Variants in RALYL observed in about 807,000 individuals in gnomAD.
RALYL encodes RNA-binding Raly-like protein.
Under a neutral mutation model 35.1 loss-of-function variants are expected in RALYL, and 29 were observed. The observed-to-expected ratio is 0.83, with a 90% CI of 0.61 to 1.13. The LOEUF is 1.13. RALYL is among the 50% of genes most tolerant of loss of function. RALYL has a pLI of 0.00. For synonymous variants in RALYL, 120 were observed against 127.6 expected (o/e 0.94, Z 0.40); for missense variants, 359 against 360.4 (o/e 1.00, Z 0.03).
intron 1 of RALYL, among the ~76,000 whole-genome samples, chr8:84,429,452 A>C (rs1482402894): frequency 6.6e-6 from 1 of 151,896 alleles, no homozygotes; most frequent in Non-Finnish European, 1.5e-5. Context: ...ACTTTCAATG[A>C]GGGCTGAAAC....
At chr8:84,839,029 C>T (rs1011435869) in intron 4 of RALYL, among the ~76,000 whole-genome samples, 6 of 152,196 alleles carry the variant, frequency 3.9e-5, no homozygotes, top group African/African-American at 1.2e-4. Flanking sequence ...CAGTCTACAG[C>T]TCCCAGCATG....
At position 84,576,820 on chromosome 8, in the gene RALYL, C is replaced by T. The variant is rs376671965; in HGVS notation, c.256+47243C>T. Among the ~76,000 whole-genome samples the T allele has an allele frequency of 1.6e-4, 24 of 152,318 alleles. 1 individual carries two copies. The South Asian group carries it at 4.3e-3, about 28-fold the overall frequency. On this transcript the variant is annotated intron_variant, in intron 2 of 8. Transcript: ENST00000521268. ...GTAATATCTGGTCTCTCCACAAATA[C>T]GTCTTACCTCCCTGGCTTCTGAAGA...
rs182869924 is a variant in RALYL, at chr8:84,403,442, C to T, written c.-23-125857C>T. Among the ~76,000 whole-genome samples, 2 of 148,504 alleles carry T rather than the reference C, an allele frequency of 1.3e-5. 1 individual carries two copies. The highest frequency in any genetic ancestry group is 1.4e-4 in the Admixed American group (2 of 14,760). On this transcript the variant is annotated intron_variant, in intron 1 of 8. Transcript: ENST00000521268. ...TACTTACCCCATTGCTTGTTTTCGT[C>T]AGTTTTGCCAAAGATTAGATGGTTG...
In RALYL at chr8:84,466,742, G is replaced by C. The variant is rs2051726427; in HGVS notation, c.-23-62557G>C. On this transcript the variant is annotated intron_variant, in intron 1 of 8. Transcript: ENST00000521268. Reference sequence around the variant, plus strand: ...GGTACCAGTTCCTCCTTGTACCTCTGGTAGAATTCGGCTGTGAATCCATCT... The same window carrying C: ...GGTACCAGTTCCTCCTTGTACCTCTCGTAGAATTCGGCTGTGAATCCATCT... Among the ~76,000 whole-genome samples the C allele has an allele frequency of 2.0e-5, 3 of 150,678 alleles. No homozygotes were observed. In the Admixed American group the frequency reaches 2.0e-4, roughly 10 times the overall value.
chr8:84,274,116 A>G (rs1303406886), intron 1 of RALYL, among the ~76,000 whole-genome samples: 1 of 152,150 alleles, frequency 6.6e-6, no homozygotes, highest in African/African-American at 2.4e-5. Context: ...CTAGAATAAC[A>G]TTTTACTTGA....
chr8:84,889,060 T>C (rs2135438146), intron 8 of RALYL, among the ~76,000 whole-genome samples: 1 of 152,298 alleles, frequency 6.6e-6, no homozygotes, highest in Non-Finnish European at 1.5e-5. Context: ...AGCACCTTCA[T>C]TTAAACTTTT....
intron 1 of RALYL, among the ~76,000 whole-genome samples, chr8:84,468,749 G>A (rs1202642364): frequency 6.6e-6 from 1 of 151,432 alleles, no homozygotes; most frequent in Non-Finnish European, 1.5e-5. Flanking sequence ...TTTCCAACTT[G>A]GTTCCATTCT....
chr8:84,490,375 G>A (rs751886502), intron 1 of RALYL, among the ~76,000 whole-genome samples: 1 of 151,858 alleles, frequency 6.6e-6, no homozygotes, highest in Non-Finnish European at 1.5e-5. Context: ...TCTGCTCATG[G>A]GTCAATGGGA....
intron 2 of RALYL, among the ~76,000 whole-genome samples, chr8:84,707,088 T>C (rs1251125407): frequency 6.6e-6 from 1 of 152,138 alleles, no homozygotes; most frequent in East Asian, 1.9e-4. Flanking sequence ...TAATTTTTAG[T>C]GCGATAATTT....
intron 1 of RALYL, among the ~76,000 whole-genome samples, chr8:84,377,791 CACATCCA>C (rs1212858039): frequency 6.6e-6 from 1 of 151,780 alleles, no homozygotes; most frequent in African/African-American, 2.4e-5. Flanking sequence ...GTCAGAATTA[CACATCCA>C]TAAAACCAGT....
intron 2 of RALYL, among the ~76,000 whole-genome samples, chr8:84,532,582 T>G (rs930983130): frequency 2.6e-5 from 4 of 152,064 alleles, no homozygotes; most frequent in Admixed American, 2.0e-4. Context: ...CCACGACCTA[T>G]CTAAGCATTC....
chr8:84,661,231 A>G (rs2131653364), intron 2 of RALYL, among the ~76,000 whole-genome samples: 1 of 152,194 alleles, frequency 6.6e-6, no homozygotes, highest in South Asian at 2.1e-4. Flanking sequence ...CCCAGCCCAC[A>G]TTATTATTAA....
At chr8:84,535,496 C>T (rs2059539730) in intron 2 of RALYL, among the ~76,000 whole-genome samples, 1 of 147,958 alleles carries the variant, frequency 6.8e-6, no homozygotes, top group Admixed American at 6.8e-5. Flanking sequence ...AGTGCAGTGG[C>T]GCTGTCTCGG....
intron 2 of RALYL, among the ~76,000 whole-genome samples, chr8:84,607,634 T>C (rs1163263279): frequency 6.6e-6 from 1 of 152,124 alleles, no homozygotes; most frequent in African/African-American, 2.4e-5. Context: ...TTCGGTCCAC[T>C]TGGGCATCTG....
intron 2 of RALYL, among the ~76,000 whole-genome samples, chr8:84,735,809 C>CGTGAGAGAGAGAGAGAGAGAGAGAGAGA (rs766504736): frequency 1.6e-4 from 19 of 119,040 alleles, no homozygotes; most frequent in African/African-American, 5.7e-4. Context: ...TCATCCAAAC[C>CGTGAGAGAGAGAGAGAGAGAGAGAGAGA]GCGAGAGAGA....
intron 6 of RALYL, among the ~76,000 whole-genome samples, chr8:84,869,980 G>C (rs16913383): frequency 0.024 from 3,608 of 152,168 alleles, 146 homozygotes; most frequent in African/African-American, 0.081. Context: ...TCTATAGAGA[G>C]AGCAGATCTG....
chr8:84,456,258 T>A (rs2050122297), intron 1 of RALYL, among the ~76,000 whole-genome samples: 1 of 151,994 alleles, frequency 6.6e-6, no homozygotes, highest in South Asian at 2.1e-4. Flanking sequence ...AATGACCTTT[T>A]AAGCTGCAAT....
At chr8:84,812,321 G>A (rs1413116468) in intron 4 of RALYL, among the ~76,000 whole-genome samples, 1 of 152,262 alleles carries the variant, frequency 6.6e-6, no homozygotes, top group African/African-American at 2.4e-5. Flanking sequence ...GGTACTGGGG[G>A]TTGTCTGCAG....
intron 1 of RALYL, among the ~76,000 whole-genome samples, chr8:84,420,275 T>C (rs550159941): frequency 6.6e-6 from 1 of 152,184 alleles, no homozygotes; most frequent in African/African-American, 2.4e-5. Context: ...GTGGTTTTGA[T>C]TTGCATTTCT....
Sources: gnomAD v4.1 joint callset for allele counts (sites outside exome capture counted in the v4.1 genomes callset) on GRCh38, gnomAD v4.1.1 for gene constraint, MANE v1.5 for transcripts, NCBI Gene and HGNC (gene_info 2026-07-23, HGNC 2026-07-21) for gene names.